The following TFIP11 variants were observed in gnomAD, a reference collection of about 807,000 sequenced individuals.
The protein encoded by TFIP11 is tuftelin-interacting protein 11.
In TFIP11, 86 loss-of-function variants were observed where a neutral mutation model predicts 96.8. The ratio of observed to expected loss-of-function variants is 0.89; its 90% confidence interval spans 0.75 to 1.06. TFIP11 has a LOEUF of 1.06. TFIP11 is among the 50% of genes least tolerant of loss of function. TFIP11 has a pLI of 0.00. For synonymous variants in TFIP11, 405 were observed against 395.2 expected (o/e 1.02, Z -0.29); for missense variants, 881 against 1,076.7 (o/e 0.82, Z 2.54).
At chr22:26,500,255 C>T (rs746384952) in intron 8 of TFIP11, among the ~76,000 whole-genome samples, 2 of 152,104 alleles carry the variant, frequency 1.3e-5, no homozygotes, top group African/African-American at 4.8e-5. Flanking sequence ...CTGCAAGCTC[C>T]GCCTCCTGGG....
chr22:26,499,007 C>G (rs374019453), intron 9 of TFIP11, 32 bp from the exon 10 acceptor site: 3 of 1,609,436 alleles, frequency 1.9e-6, no homozygotes, highest in African/African-American at 1.3e-5. Context: ...TGAGGGGCAG[C>G]GGGCTCTCCA....
intron 12 of TFIP11, among the ~76,000 whole-genome samples, chr22:26,495,259 G>GT (rs1921783859): frequency 9.5e-6 from 1 of 104,978 alleles, no homozygotes; most frequent in Admixed American, 1.2e-4. Flanking sequence ...ACAACTCCTG[G>GT]CTTTTTTTTT....
At chr22:26,494,664 CCTAA>C (rs1921692037) in intron 13 of TFIP11, 129 bp downstream of exon 13, 1 of 1,279,782 alleles carries the variant, frequency 7.8e-7, no homozygotes, top group Non-Finnish European at 1.1e-6. Flanking sequence ...ATGAAGATGA[CCTAA>C]CTCATTCCTA....
intron 7 of TFIP11, among the ~76,000 whole-genome samples, chr22:26,502,301 AATAAAG>A (rs1468166668): frequency 6.6e-6 from 1 of 152,226 alleles, no homozygotes; most frequent in East Asian, 1.9e-4. Context: ...GAGAAACAAA[AATAAAG>A]ATAAACGAAA....
In TFIP11 at chr22:26,492,382, G is replaced by C; in HGVS notation, c.2159-14C>G. The stretch of plus-strand genomic sequence containing the variant: ...GCATGTAGGCACCTAAGATACAGGA[G>C]GACAGGGCGGTGAGGAGAGGTGTTT... On this transcript the variant is annotated splice_polypyrimidine_tract_variant and intron_variant, in intron 14 of 14. Transcript: ENST00000407690. 1.2e-6 allele frequency: 2 copies of C among 1,612,232 alleles called. No individual in the cohort carries two copies. The highest frequency in any genetic ancestry group is 2.7e-5 in the African/African-American group (2 of 74,998).
chr22:26,496,097 C>T lies in TFIP11; in HGVS notation c.1825G>A (p.Val609Ile), dbSNP rs1248335632. Residue 609 changes from valine to isoleucine, a missense_variant, in exon 12 of 15, where the codon GTC becomes ATC. Transcript: ENST00000407690. The part of the protein sequence containing the change: ...FTPGSWEAFM[V>I]KNIVPKLGMC... ...CCCAGCTTGGGCACTATGTTTTTGA[C>T]CATGAATGCTTCCCAGGAGCCAGGA... The T allele has an allele frequency of 5.6e-6, 9 of 1,613,658 alleles. No individual in the cohort carries two copies. The highest frequency in any genetic ancestry group is 2.7e-5 in the African/African-American group (2 of 74,892).
At chr22:26,498,270 C>T (rs144574185) in intron 10 of TFIP11, among the ~76,000 whole-genome samples, 21 of 152,252 alleles carry the variant, frequency 1.4e-4, no homozygotes, top group African/African-American at 2.9e-4. Context: ...GAACCAGGCA[C>T]GGTGGCTCAC....
rs747254892 is a variant in TFIP11, at chr22:26,499,314, G to A, written c.1119C>T (p.Leu373=). 3 of 1,614,130 alleles carry A rather than the reference G, an allele frequency of 1.9e-6. No homozygotes were observed. Among genetic ancestry groups the A allele is most frequent in the Non-Finnish European group, 2.5e-6 (3 of 1,179,988 alleles). The change falls in exon 9 of 15, where the codon CTC becomes CTT. Residue 373 remains leucine, a synonymous_variant. Coordinates refer to ENST00000407690, the MANE Select transcript of TFIP11 (RefSeq NM_012143.4). ...CCTCCACCATCTCCAGGACCTTGCT[G>A]AGGTTCGAGATGACCCGCTCCTCGT... is the stretch of plus-strand genomic sequence containing the variant. ...LDHEERVISN[L]SKVLEMVEEC... is the part of the protein sequence containing the mutation.
chr22:26,500,661 G>T (rs1028648400), intron 8 of TFIP11, among the ~76,000 whole-genome samples: 4 of 142,446 alleles, frequency 2.8e-5, no homozygotes, highest in Admixed American at 7.1e-5. Flanking sequence ...CTCACTGGAG[G>T]AAAAAAAAAA....
Position 26,499,627 on chromosome 22 carries a change from A to C in TFIP11, c.806T>G (p.Ile269Arg). 6.2e-7 allele frequency: 1 copy of C among 1,607,156 alleles called. No homozygotes were observed. The highest frequency in any genetic ancestry group is 8.5e-7 in the Non-Finnish European group (1 of 1,176,344). Reference protein sequence around the residue: ...PQKELSQVKVIDMTGREQKVY... With the variant: ...PQKELSQVKVRDMTGREQKVY... Reference sequence around the variant, plus strand: ...CTTCTGCTCCCGGCCTGTCATGTCTATGACCTTGGAAAACATAGAGGGATG... The same window carrying C: ...CTTCTGCTCCCGGCCTGTCATGTCTCTGACCTTGGAAAACATAGAGGGATG... Residue 269 changes from isoleucine to arginine, a missense_variant, in exon 9 of 15, where the codon ATA becomes AGA. By Grantham distance (97) the Ile-to-Arg change is moderately conservative. Transcript: ENST00000407690.
At chr22:26,502,582 C>T (rs773023256) in intron 7 of TFIP11, among the ~76,000 whole-genome samples, 17 of 152,162 alleles carry the variant, frequency 1.1e-4, no homozygotes, top group Non-Finnish European at 2.1e-4. Flanking sequence ...GGCCTGTTTA[C>T]GAACACAAAT....
At chr22:26,504,937 G>A (rs1042468704) in intron 6 of TFIP11, among the ~76,000 whole-genome samples, 7 of 152,212 alleles carry the variant, frequency 4.6e-5, no homozygotes, top group South Asian at 2.1e-4. Context: ...TTAGCTGGGC[G>A]TGGTGGCGGG....
intron 12 of TFIP11, 93 bp downstream of exon 12, chr22:26,495,980 A>G: frequency 6.6e-7 from 1 of 1,518,052 alleles, no homozygotes. Context: ...ACTTTCATGA[A>G]CATAAAGGCG....
In TFIP11 at chr22:26,497,085, A is replaced by G. The variant is rs118159893; in HGVS notation, c.1437-196T>C. 3.6e-3 allele frequency among the ~76,000 whole-genome samples: 542 copies of G among 152,190 alleles called. 14 individuals are homozygous for G. The East Asian group carries it at 0.065, about 18-fold the overall frequency. Reference sequence around the variant, plus strand: ...CCTTGTTCTCTTGACTCTCCTCTCAATCTGAGGCCTCAGTCTCCTAGGTAG... The same window carrying G: ...CCTTGTTCTCTTGACTCTCCTCTCAGTCTGAGGCCTCAGTCTCCTAGGTAG... On this transcript the variant is annotated intron_variant, in intron 10 of 14. Transcript: ENST00000407690.
intron 10 of TFIP11, 40 bp from the exon 11 acceptor site, chr22:26,496,929 T>C (rs761873334): frequency 1.2e-6 from 2 of 1,606,278 alleles, no homozygotes; most frequent in Non-Finnish European, 1.7e-6. Flanking sequence ...TTAATTACAC[T>C]GACTGGTTTC....
chr22:26,504,968 C>T (rs1013197673), intron 6 of TFIP11, among the ~76,000 whole-genome samples: 3 of 151,970 alleles, frequency 2.0e-5, no homozygotes, highest in South Asian at 2.1e-4. Flanking sequence ...CCCTGCTACT[C>T]GGGAGGCTGA....
Position 26,491,541 on chromosome 22 carries a change from T to C in TFIP11, c.*472A>G. The C allele has an allele frequency of 6.2e-7, 1 of 1,614,154 alleles. No individual in the cohort carries two copies. Among genetic ancestry groups the C allele is most frequent in the Non-Finnish European group, 8.5e-7 (1 of 1,179,972 alleles). ...CATATTTAATGATACCTCTGTCCAC[T>C]GGTTCCCTGTGCAAAAGCTAGAACA... On this transcript the variant is annotated 3_prime_UTR_variant, in exon 15 of 15. Coordinates refer to ENST00000407690, the MANE Select transcript of TFIP11 (RefSeq NM_012143.4).
In TFIP11 at chr22:26,492,336, T is replaced by C; in HGVS notation, c.2191A>G (p.Ile731Val). The C allele has an allele frequency of 1.2e-6, 2 of 1,614,158 alleles. No individual in the cohort carries two copies. The highest frequency in any genetic ancestry group is 1.7e-6 in the Non-Finnish European group (2 of 1,180,024). ...CGCTCCGTGTGGGTGAGATAGGCAA[T>C]GTTCTCCCGTGCTCCTGGCTGCATG... is the stretch of plus-strand genomic sequence containing the variant. ...AYMQPGAREN[I>V]AYLTHTERRK... The change falls in exon 15 of 15, where the codon ATT becomes GTT. Residue 731 changes from isoleucine (I) to valine (V), a missense_variant. Physicochemically the swap from Ile to Val is conservative, Grantham distance 29. Transcript: ENST00000407690.
chr22:26,496,679 G>A (rs772283506), intron 11 of TFIP11, 42 bp downstream of exon 11: 1 of 1,604,480 alleles, frequency 6.2e-7, no homozygotes, highest in East Asian at 2.2e-5. Context: ...ACAAGTCCCT[G>A]TGATTAGTGA....
Sources: gnomAD v4.1 joint callset for allele counts (sites outside exome capture counted in the v4.1 genomes callset) on GRCh38, gnomAD v4.1.1 for gene constraint, MANE v1.5 for transcripts, NCBI Gene and HGNC (gene_info 2026-07-23, HGNC 2026-07-21) for gene names.